The following DKKL1 variants were observed in gnomAD, a reference collection of about 807,000 sequenced individuals.
DKKL1 encodes dickkopf like acrosomal protein 1.
In DKKL1, 11 loss-of-function variants were observed where a neutral mutation model predicts 16.5. That is an observed-to-expected ratio of 0.67 (90% CI 0.42 to 1.10). DKKL1 has a LOEUF of 1.10. Ranked by LOEUF, DKKL1 falls within the 50% of genes least tolerant of loss-of-function variation. The pLI is 0.00. For missense variants in DKKL1, 320 were observed against 308.1 expected (o/e 1.04, Z -0.29); for synonymous variants, 119 against 133.2 (o/e 0.89, Z 0.73).
At chr19:49,369,025 A>C (rs1421868830) in intron 4 of DKKL1, 1 of 152,216 alleles carries the variant, frequency 6.6e-6, no homozygotes, top group African/African-American at 2.4e-5. Context: ...TTAGACTGTG[A>C]GGTCCAGCTC....
At chr19:49,360,919 AGGGGACAGAGACCCAGTGAAGGG>A (rs1199597051), upstream of DKKL1, among the ~76,000 whole-genome samples, 2 of 87,650 alleles carry the variant, frequency 2.3e-5, no homozygotes, top group Non-Finnish European at 4.3e-5. Flanking sequence ...CAGAGAGAGA[AGGGGACAGAGACCCAGTGAAGGG>A]GGGGACAGAG....
At chr19:49,367,925 T>C (rs114212956) in intron 4 of DKKL1, among the ~76,000 whole-genome samples, 5,256 of 152,274 alleles carry the variant, frequency 0.035, 283 homozygotes, top group African/African-American at 0.12. Context: ...CCTATAATCC[T>C]AGCAATTTGG....
intron 4 of DKKL1, chr19:49,368,606 T>C (rs894124878): frequency 2.6e-5 from 4 of 152,212 alleles, no homozygotes; most frequent in African/African-American, 9.6e-5. Context: ...TGGAGTGTAG[T>C]GGTGCCATCT....
In DKKL1 at chr19:49,363,928, C is replaced by A. The variant is rs374578611; in HGVS notation, c.-71C>A. 63 of 1,598,188 alleles carry A rather than the reference C, an allele frequency of 3.9e-5. No homozygotes were observed. The highest frequency in any genetic ancestry group is 5.1e-5 in the Non-Finnish European group (60 of 1,171,848). The stretch of plus-strand genomic sequence containing the variant: ...TTGGCTTTAACAGTACGTGGGCGGC[C>A]GGAATCCGGGAGTCCGGTGACCCGG... On this transcript the variant is annotated 5_prime_UTR_variant, in exon 1 of 5. Coordinates refer to ENST00000221498, the MANE Select transcript of DKKL1 (RefSeq NM_014419.4).
upstream of DKKL1, chr19:49,362,484 GC>G (rs1311468942): frequency 6.6e-6 from 1 of 152,248 alleles, no homozygotes. Context: ...GGCGGGCCCG[GC>G]CGGCGGACAG....
At chr19:49,372,508 G>A (rs1474088653) in intron 4 of DKKL1, among the ~76,000 whole-genome samples, 1 of 151,622 alleles carries the variant, frequency 6.6e-6, no homozygotes, top group Admixed American at 6.6e-5. Flanking sequence ...CCTGGCTAAT[G>A]CGGTGAAATC....
At chr19:49,371,425 G>A (rs371874930) in intron 4 of DKKL1, among the ~76,000 whole-genome samples, 112 of 152,186 alleles carry the variant, frequency 7.4e-4, no homozygotes, top group African/African-American at 2.5e-3. Context: ...CTGTCATTGC[G>A]TCATCATAGT....
At chr19:49,373,997 T>C (rs201379090) in intron 4 of DKKL1, among the ~76,000 whole-genome samples, 33 of 151,876 alleles carry the variant, frequency 2.2e-4, no homozygotes, top group Non-Finnish European at 2.2e-4. Context: ...TTTTTTTTTT[T>C]CCCTTGAGAT....
At chr19:49,366,382 T>A (rs7249330) in intron 4 of DKKL1, among the ~76,000 whole-genome samples, 33,996 of 152,010 alleles carry the variant, frequency 0.22, 3,989 homozygotes, top group Non-Finnish European at 0.25. Flanking sequence ...GACCTCAGAA[T>A]ACATCTGCAA....
intron 2 of DKKL1, 81 bp from the exon 3 acceptor site, chr19:49,365,428 G>A (rs1973210132): frequency 2.1e-6 from 3 of 1,462,490 alleles, no homozygotes; most frequent in African/African-American, 1.4e-5. Flanking sequence ...GGCCTCGGGA[G>A]CATCCTAGCA....
chr19:49,372,705 A>C (rs113218501), intron 4 of DKKL1, among the ~76,000 whole-genome samples: 2,166 of 151,564 alleles, frequency 0.014, 42 homozygotes, highest in Middle Eastern at 0.041. Flanking sequence ...AAAAAAAAAA[A>C]AAAATACAAA....
chr19:49,372,939 C>T (rs374842505), intron 4 of DKKL1, among the ~76,000 whole-genome samples: 12 of 151,694 alleles, frequency 7.9e-5, no homozygotes, highest in Middle Eastern at 7.0e-3. Flanking sequence ...AGGTGGAGGT[C>T]GCGGTGAGCG....
chr19:49,364,842 G>A lies in DKKL1; in HGVS notation c.183+88G>A, dbSNP rs913787134. On this transcript the variant is annotated intron_variant, in intron 2 of 4. Coordinates refer to ENST00000221498, the MANE Select transcript of DKKL1 (RefSeq NM_014419.4). ...GAGATGGTTCAGGGCCAGGCAGGGG[G>A]ACAGACAGGATGAGAGGGCAACAGG... The A allele has an allele frequency of 1.4e-5, 21 of 1,507,800 alleles. 1 individual carries two copies. Among genetic ancestry groups the A allele is most frequent in the Middle Eastern group, 1.8e-4 (1 of 5,606 alleles). The allele number at this position is 1,507,800 out of a possible 1,614,324, so 93.4% of individuals were successfully genotyped here. A position where few individuals can be genotyped will look rare whatever the true frequency, so the allele number is the denominator to read the frequency against.
In DKKL1 at chr19:49,365,903, C is replaced by T. The variant is rs757991186; in HGVS notation, c.417+18C>T. 3.7e-6 allele frequency: 6 copies of T among 1,608,318 alleles called. No homozygotes were observed. The highest frequency in any genetic ancestry group is 2.7e-5 in the African/African-American group (2 of 74,586). On this transcript the variant is annotated intron_variant, in intron 4 of 4. Coordinates refer to ENST00000221498, the MANE Select transcript of DKKL1 (RefSeq NM_014419.4). ...ATTTGAAGGTTAGGACGTGCCCCGC[C>T]GTCAAAGTGTCCAGGCCCAAACATT...
In DKKL1 at chr19:49,374,944, G is replaced by T; in HGVS notation, c.645G>T (p.Glu215Asp). The T allele has an allele frequency of 6.2e-7, 1 of 1,613,796 alleles. No homozygotes were observed. The change falls in exon 5 of 5, where the codon GAG (glutamate) becomes GAT (aspartate). Residue 215 changes from glutamate to aspartate, a missense_variant. Transcript: ENST00000221498. Reference protein sequence around the residue: ...RKGTHKDVLEEGTESSSHSRL... With the variant: ...RKGTHKDVLEDGTESSSHSRL... ...GGACCCACAAGGACGTCCTAGAAGA[G>T]GGGACCGAGAGCTCCTCCCACTCCA...
intron 4 of DKKL1, among the ~76,000 whole-genome samples, chr19:49,371,908 T>C (rs1435167406): frequency 6.6e-6 from 1 of 152,202 alleles, no homozygotes; most frequent in Admixed American, 6.5e-5. Flanking sequence ...CTGAGAATGA[T>C]GGTTTCCAGC....
At chr19:49,362,919 G>GTTGTTGT (rs1568588572), upstream of DKKL1, among the ~76,000 whole-genome samples, 2 of 130,256 alleles carry the variant, frequency 1.5e-5, no homozygotes, top group Non-Finnish European at 3.1e-5. Flanking sequence ...TGGTTTTTTT[G>GTTGTTGT]TTTTTTGTTT....
At chr19:49,373,984 T>C (rs1009027846) in intron 4 of DKKL1, among the ~76,000 whole-genome samples, 2 of 151,826 alleles carry the variant, frequency 1.3e-5, no homozygotes, top group Admixed American at 1.3e-4. Context: ...TTGAAAGCTT[T>C]ATTTTTTTTT....
At chr19:49,363,859 C>A (rs542537779), upstream of DKKL1, 282 of 1,261,184 alleles carry the variant, frequency 2.2e-4, no homozygotes, top group African/African-American at 4.0e-3. Flanking sequence ...TCGCGGAGCG[C>A]AACCAACGCT....
Sources: gnomAD v4.1 joint callset for allele counts (sites outside exome capture counted in the v4.1 genomes callset) on GRCh38, gnomAD v4.1.1 for gene constraint, MANE v1.5 for transcripts, NCBI Gene and HGNC (gene_info 2026-07-23, HGNC 2026-07-21) for gene names.